CNTNAP5: variants seen among roughly 807,000 people sequenced by gnomAD.
CNTNAP5 encodes contactin-associated protein-like 5.
Under a neutral mutation model 150.2 loss-of-function variants are expected in CNTNAP5, and 72 were observed. That is an observed-to-expected ratio of 0.48 (90% confidence interval 0.40 to 0.58). CNTNAP5 has a LOEUF of 0.58. Among genes scored for constraint, CNTNAP5 ranks in the 20% least tolerant of loss-of-function variants. The pLI, the probability that CNTNAP5 is intolerant of heterozygous loss-of-function variation, is 0.00. For synonymous variants in CNTNAP5, 672 were observed against 619.8 expected, an observed-to-expected ratio of 1.08 and a Z score of -1.25; for missense variants, 1,636 against 1,626.2, an observed-to-expected ratio of 1.01 and a Z score of -0.10.
chr2:124,545,549 T>C (rs2104910955), intron 10 of CNTNAP5, among the ~76,000 whole-genome samples: 1 of 152,254 alleles, frequency 6.6e-6, no homozygotes, highest in East Asian at 1.9e-4. Flanking sequence ...TATTTATTAA[T>C]TGGGATTCTA....
chr2:124,778,554 A>C (rs1681376424), intron 17 of CNTNAP5: 1 of 153,912 alleles, frequency 6.5e-6, no homozygotes, highest in African/African-American at 2.4e-5. Context: ...ACCCAGACCG[A>C]GTTTGATCAT....
chr2:124,414,119 C>CTTT (rs80216750), intron 3 of CNTNAP5, among the ~76,000 whole-genome samples: 2 of 124,252 alleles, frequency 1.6e-5, no homozygotes, highest in Non-Finnish European at 3.5e-5. Flanking sequence ...TTTGGATTTC[C>CTTT]TTTTTTTTTT....
In CNTNAP5 at chr2:124,864,898, T is replaced by C. The variant is rs558875689; in HGVS notation, c.3218-408T>C. 1.2e-4 allele frequency among the ~76,000 whole-genome samples: 18 copies of C among 152,266 alleles called. No individual in the cohort carries two copies. In the South Asian group the frequency reaches 3.3e-3, roughly 28 times the overall value. ...CGGGTGATAACAGGACTGAGTTCTC[T>C]TTCCAGTCCTTAGATATAAAAGGGA... is the stretch of plus-strand genomic sequence containing the variant. On this transcript the variant is annotated intron_variant, in intron 19 of 23. Coordinates refer to ENST00000682447, the MANE Select transcript of CNTNAP5 (RefSeq NM_001367498.1).
chr2:124,625,219 T>A (rs1677695086), intron 12 of CNTNAP5, among the ~76,000 whole-genome samples: 2 of 152,170 alleles, frequency 1.3e-5, no homozygotes, highest in South Asian at 4.2e-4. Flanking sequence ...GGCTCCATTA[T>A]ACCCACTTTA....
chr2:124,299,183 C>A (rs57921625), intron 3 of CNTNAP5, among the ~76,000 whole-genome samples: 29,768 of 152,110 alleles, frequency 0.2, 3,034 homozygotes, highest in East Asian at 0.34. Context: ...AGGGGCCAGG[C>A]TCTTCCCCAC....
intron 13 of CNTNAP5, among the ~76,000 whole-genome samples, chr2:124,743,629 G>C (rs546204688): frequency 3.3e-5 from 5 of 152,090 alleles, no homozygotes; most frequent in Non-Finnish European, 7.4e-5. Flanking sequence ...AGCATTCGGG[G>C]GCAGCCAGCT....
At chr2:124,900,309 A>G (rs1678389686) in intron 21 of CNTNAP5, among the ~76,000 whole-genome samples, 1 of 151,610 alleles carries the variant, frequency 6.6e-6, no homozygotes, top group South Asian at 2.1e-4. Context: ...TAATGCTATT[A>G]TAAGAAACTA....
chr2:124,907,871 T>A (rs1678571051), intron 22 of CNTNAP5, among the ~76,000 whole-genome samples: 1 of 150,742 alleles, frequency 6.6e-6, no homozygotes, highest in Admixed American at 6.7e-5. Context: ...TCTGAAGTAT[T>A]TTATTTGTAG....
At chr2:124,089,561 G>A (rs1201271450) in intron 1 of CNTNAP5, among the ~76,000 whole-genome samples, 1 of 152,142 alleles carries the variant, frequency 6.6e-6, no homozygotes, top group Non-Finnish European at 1.5e-5. Context: ...GGTAGCAAAA[G>A]TTTTGAGAAT....
chr2:124,475,241 G>A (rs908855056), intron 7 of CNTNAP5, among the ~76,000 whole-genome samples: 12 of 151,918 alleles, frequency 7.9e-5, no homozygotes, highest in African/African-American at 2.9e-4. Flanking sequence ...TCTATGGCTT[G>A]GGAGTTACAT....
chr2:124,227,619 T>A (rs1483731102), intron 2 of CNTNAP5, among the ~76,000 whole-genome samples: 2 of 150,048 alleles, frequency 1.3e-5, no homozygotes, highest in Non-Finnish European at 3.0e-5. Context: ...TATACAAATA[T>A]AAACTCAGCA....
intron 3 of CNTNAP5, among the ~76,000 whole-genome samples, chr2:124,394,325 T>C (rs1372150397): frequency 1.4e-5 from 2 of 145,030 alleles, no homozygotes; most frequent in Middle Eastern, 3.6e-3. Flanking sequence ...ATAGCTGAGA[T>C]GGTGCCACTG....
chr2:124,395,788 C>G (rs559334674), intron 3 of CNTNAP5, among the ~76,000 whole-genome samples: 2 of 152,156 alleles, frequency 1.3e-5, no homozygotes, highest in African/African-American at 2.4e-5. Flanking sequence ...TACACACACA[C>G]GTGCACGCAC....
At chr2:124,427,577 C>T (rs2968542) in intron 4 of CNTNAP5, among the ~76,000 whole-genome samples, 40,812 of 151,662 alleles carry the variant, frequency 0.27, 5,996 homozygotes, top group East Asian at 0.5. Context: ...CTGCCTCAGC[C>T]TCCCGAGTAG....
chr2:124,314,347 A>G (rs1176165677), intron 3 of CNTNAP5, among the ~76,000 whole-genome samples: 1 of 152,200 alleles, frequency 6.6e-6, no homozygotes, highest in Non-Finnish European at 1.5e-5. Context: ...GCCAGTAAGA[A>G]AAGCTATTTC....
chr2:124,105,826 T>C lies in CNTNAP5; in HGVS notation c.82+80094T>C, dbSNP rs4500946. Among the ~76,000 whole-genome samples the C allele has an allele frequency of 8.5e-3, 1,291 of 152,288 alleles. 13 individuals carry two copies. The highest frequency in any genetic ancestry group is 0.013 in the Non-Finnish European group (912 of 68,010). ...TGACCAGATAATGTTGTCTGCATTA[T>C]TTCCATGTTTGAGAACATATTGATG... On this transcript the variant is annotated intron_variant, in intron 1 of 23. Coordinates refer to ENST00000682447, the MANE Select transcript of CNTNAP5 (RefSeq NM_001367498.1).
intron 19 of CNTNAP5, among the ~76,000 whole-genome samples, chr2:124,800,703 A>G (rs903059842): frequency 6.6e-6 from 1 of 152,204 alleles, no homozygotes; most frequent in African/African-American, 2.4e-5. Flanking sequence ...GTCTTACTCT[A>G]TTAAAAGCTG....
At chr2:124,853,587 A>G (rs138312971) in intron 19 of CNTNAP5, among the ~76,000 whole-genome samples, 1 of 152,240 alleles carries the variant, frequency 6.6e-6, no homozygotes, top group East Asian at 1.9e-4. Flanking sequence ...TTGTTTTCCA[A>G]ACTAAGTTCT....
rs765268280 is a variant in CNTNAP5 at position 124,772,958 on chromosome 2, C to A, written c.2693C>A (p.Thr898Asn). The change falls in exon 17 of 24, where the codon ACC (threonine) becomes AAC (asparagine). Residue 898 changes from threonine (T) to asparagine (N), a missense_variant. Transcript: ENST00000682447. ...CAGGTGGACAACCTTCCAAGGAGCA[C>A]CAGGGAGACGTCGGAGGAGGGCCAT... Reference protein sequence around the residue: ...SLQVDNLPRSTRETSEEGHFR... With the variant: ...SLQVDNLPRSNRETSEEGHFR... 2.5e-6 allele frequency: 4 copies of A among 1,613,668 alleles called. No homozygotes were observed. In the South Asian group the frequency reaches 4.4e-5, roughly 18 times the overall value.
Sources: allele counts gnomAD v4.1 joint callset (sites outside exome capture counted in the v4.1 genomes callset), GRCh38; gene constraint gnomAD v4.1.1; transcripts MANE v1.5; gene names NCBI Gene and HGNC (gene_info 2026-07-23, HGNC 2026-07-21).